The following FREM3 variants were observed in gnomAD, a reference collection of about 807,000 sequenced individuals.
The protein encoded by FREM3 is FRAS1-related extracellular matrix protein 3.
FREM3 carries 105 observed loss-of-function variants against 129.1 expected under a neutral mutation model. The ratio of observed to expected loss-of-function variants is 0.81; its 90% CI spans 0.69 to 0.96. The LOEUF (loss-of-function observed/expected upper bound fraction) is 0.96, where lower values mean the gene tolerates loss of function less well. FREM3 is among the 40% of genes least tolerant of loss of function. The pLI, the probability that FREM3 is intolerant of heterozygous loss-of-function variation, is 0.00. For synonymous variants in FREM3, 1,014 were observed against 1,044.9 expected, an observed-to-expected ratio of 0.97 and a Z score of 0.57; for missense variants, 2,593 against 2,666.3, an observed-to-expected ratio of 0.97 and a Z score of 0.61.
At chr4:143,607,608 C>T (rs929077805) in intron 6 of FREM3, among the ~76,000 whole-genome samples, 2 of 152,138 alleles carry the variant, frequency 1.3e-5, no homozygotes, top group Non-Finnish European at 2.9e-5. Context: ...GTTCAATACT[C>T]TTGTAGGATT....
chr4:143,583,710 A>T (rs1021545258), intron 7 of FREM3, among the ~76,000 whole-genome samples: 6 of 152,182 alleles, frequency 3.9e-5, no homozygotes, highest in African/African-American at 1.4e-4. Flanking sequence ...AGCCAAACTA[A>T]GCTTCATCAA....
chr4:143,624,153 C>G lies in FREM3; in HGVS notation c.5608G>C (p.Glu1870Gln). The change falls in exon 4 of 8, where the codon GAG becomes CAG. Residue 1870 changes from glutamate (E) to glutamine (Q), a missense_variant. Glu to Gln is a conservative substitution (Grantham distance 29). Coordinates refer to ENST00000329798, the MANE Select transcript of FREM3 (RefSeq NM_001168235.2). ...TCAACCGTTGCCATTTCTGGAAACT[C>G]CAGTACAGCCATGAGAGGTTCAGAC... is the stretch of plus-strand genomic sequence containing the variant. ...ILSEPLMAVL[E>Q]FPEMATVEIV... 2.0e-6 allele frequency: 3 copies of G among 1,536,894 alleles called. No individual in the cohort carries two copies. In the Admixed American group the frequency reaches 5.9e-5, roughly 30 times the overall value.
chr4:143,676,571 G>T (rs926205716), intron 2 of FREM3, among the ~76,000 whole-genome samples: 4 of 152,084 alleles, frequency 2.6e-5, no homozygotes, highest in Admixed American at 6.6e-5. Flanking sequence ...GAAATAAAGG[G>T]TATTCAATTA....
intron 6 of FREM3, among the ~76,000 whole-genome samples, chr4:143,601,279 C>A (rs944086755): frequency 5.3e-5 from 8 of 152,252 alleles, no homozygotes; most frequent in African/African-American, 1.9e-4. Flanking sequence ...TGTTTATGCA[C>A]AATTTTTCCT....
At chr4:143,593,049 C>T (rs976332213) in intron 6 of FREM3, among the ~76,000 whole-genome samples, 4 of 152,192 alleles carry the variant, frequency 2.6e-5, no homozygotes, top group African/African-American at 9.7e-5. Flanking sequence ...GAGGCTTGTG[C>T]ATTCATCACA....
At chr4:143,595,974 G>C (rs2149836347) in intron 6 of FREM3, among the ~76,000 whole-genome samples, 1 of 151,826 alleles carries the variant, frequency 6.6e-6, no homozygotes, top group East Asian at 1.9e-4. Context: ...AAAAATGAGT[G>C]AGAATTGACC....
At chr4:143,665,744 C>G (rs959244075) in intron 2 of FREM3, among the ~76,000 whole-genome samples, 7 of 152,088 alleles carry the variant, frequency 4.6e-5, no homozygotes, top group African/African-American at 1.7e-4. Context: ...ATTGTTTCCC[C>G]TCTGCCTTTT....
intron 5 of FREM3, among the ~76,000 whole-genome samples, chr4:143,611,853 G>T (rs1053163911): frequency 6.6e-6 from 1 of 152,194 alleles, no homozygotes; most frequent in African/African-American, 2.4e-5. Flanking sequence ...AAACTGAGGT[G>T]TAGTAAAATT....
In FREM3 at chr4:143,697,240, C is replaced by T; in HGVS notation, c.3436G>A (p.Val1146Met). 6.5e-7 allele frequency: 1 copy of T among 1,537,618 alleles called. No homozygotes were observed. The highest frequency in any genetic ancestry group is 8.7e-7 in the Non-Finnish European group (1 of 1,146,946). ...ISAFSLRDIQ[V>M]RHINYVQSIH... ...CTCTGTACATAATTGATATGCCTCA[C>T]TTGGATATCTCTGAGGGAGAAAGCA... is the stretch of plus-strand genomic sequence containing the variant. The change falls in exon 1 of 8, where the codon GTG becomes ATG. Residue 1146 changes from valine (V) to methionine (M), a missense_variant. By Grantham distance (21) the Val-to-Met change is conservative. Coordinates refer to ENST00000329798, the MANE Select transcript of FREM3 (RefSeq NM_001168235.2).
At chr4:143,663,752 A>T (rs1039680438) in intron 2 of FREM3, among the ~76,000 whole-genome samples, 5 of 152,222 alleles carry the variant, frequency 3.3e-5, no homozygotes, top group African/African-American at 9.6e-5. Flanking sequence ...CTTTTCACAT[A>T]GTCCCATATT....
Position 143,627,660 on chromosome 4 carries a change from T to G in FREM3, c.5376A>C (p.Glu1792Asp). 1 of 1,535,960 alleles carries G rather than the reference T, an allele frequency of 6.5e-7. No homozygotes were observed. The highest frequency in any genetic ancestry group is 8.7e-7 in the Non-Finnish European group (1 of 1,145,830). ...YIVDEDSTFL[E>D]VTLTRRGYLG... Reference sequence around the variant, plus strand: ...GGTATCCTCTGCGTGTAAGGGTCACTTCTAAGAATGTGGAATCTTCATCCA... The same window carrying G: ...GGTATCCTCTGCGTGTAAGGGTCACGTCTAAGAATGTGGAATCTTCATCCA... Residue 1792 changes from glutamate (E) to aspartate (D), a missense_variant, in exon 3 of 8, where the codon GAA becomes GAC. Around this residue, in one of 2 missense-constraint regions of FREM3, gnomAD observed 2,276 missense variants for 2,267.2 expected, o/e 1.00. Transcript: ENST00000329798.
At position 143,698,624 on chromosome 4, in the gene FREM3, A is replaced by G. The variant is rs59067959; in HGVS notation, c.2052T>C (p.Asn684=). ...TGGTGAAAATGTGCTGTTTGGAGAG[A>G]TTGGGTGGGTCATGGTCATCCTGCA... ...FHVQDDHDPP[N]LSKQHIFTIK... The change falls in exon 1 of 8, where the codon AAT becomes AAC. Residue 684 remains asparagine (N), a synonymous_variant. Transcript: ENST00000329798. 1,076 of 1,537,650 alleles carry G rather than the reference A, an allele frequency of 7.0e-4. 2 individuals carry two copies. In the African/African-American group the frequency reaches 0.013, roughly 18 times the overall value.
intron 2 of FREM3, among the ~76,000 whole-genome samples, chr4:143,673,946 C>G (rs575755215): frequency 5.9e-5 from 9 of 152,330 alleles, no homozygotes; most frequent in African/African-American, 2.2e-4. Context: ...TGGAAAAGTG[C>G]AGTATTAGGG....
rs956700509 is a variant in FREM3, at chr4:143,695,797, C to T, written c.4879G>A (p.Gly1627Ser). 3.0e-5 allele frequency: 46 copies of T among 1,537,102 alleles called. No individual in the cohort carries two copies. The highest frequency in any genetic ancestry group is 7.8e-5 in the Admixed American group (4 of 50,974). The part of the protein sequence containing the change: ...EDSFSLTVTD[G>S]THTDFYVLPD... The stretch of plus-strand genomic sequence containing the variant: ...AGGACATAGAAATCAGTGTGAGTGC[C>T]GTCTGTCACAGTCAAGGAGAAACTA... Residue 1627 changes from glycine (G) to serine (S), a missense_variant, in exon 1 of 8, where the codon GGC becomes AGC. Gly to Ser is a moderately conservative substitution (Grantham distance 56). Around this residue, in one of 2 missense-constraint regions of FREM3, gnomAD observed 2,276 missense variants for 2,267.2 expected, o/e 1.00. Coordinates refer to ENST00000329798, the MANE Select transcript of FREM3 (RefSeq NM_001168235.2).
chr4:143,669,336 A>G (rs1035797612), intron 2 of FREM3, among the ~76,000 whole-genome samples: 15 of 152,320 alleles, frequency 9.8e-5, no homozygotes, highest in African/African-American at 3.6e-4. Context: ...GAGAGGGTCT[A>G]GCTCTGTCAC....
At chr4:143,615,811 C>T (rs531054799) in intron 5 of FREM3, among the ~76,000 whole-genome samples, 1 of 151,186 alleles carries the variant, frequency 6.6e-6, no homozygotes, top group African/African-American at 2.5e-5. Context: ...AATCCCATAA[C>T]CCATAGAAGG....
intron 6 of FREM3, among the ~76,000 whole-genome samples, chr4:143,597,660 C>T (rs767417380): frequency 1.3e-5 from 2 of 152,122 alleles, no homozygotes; most frequent in Non-Finnish European, 2.9e-5. Flanking sequence ...AAAACAACCC[C>T]ATTTACATTC....
chr4:143,684,649 A>G (rs1023163201), intron 2 of FREM3, among the ~76,000 whole-genome samples: 2 of 152,230 alleles, frequency 1.3e-5, no homozygotes, highest in Non-Finnish European at 2.9e-5. Flanking sequence ...GGTCCAAACC[A>G]AGAAGAAATC....
intron 2 of FREM3, among the ~76,000 whole-genome samples, chr4:143,663,260 C>G (rs973048947): frequency 2.6e-5 from 4 of 152,038 alleles, no homozygotes; most frequent in African/African-American, 7.2e-5. Context: ...CCTTCAGGAG[C>G]TCTTTTAGGG....
Sources: gnomAD v4.1 joint callset for allele counts (sites outside exome capture counted in the v4.1 genomes callset) on GRCh38, gnomAD v4.1.1 for gene constraint, gnomAD v4.1.1 regional missense constraint, MANE v1.5 for transcripts, NCBI Gene and HGNC (gene_info 2026-07-23, HGNC 2026-07-21) for gene names.